Variants in KIF14 observed in about 807,000 individuals in gnomAD.
The protein encoded by KIF14 is kinesin family member 14.
A neutral mutation model predicts 176.2 loss-of-function variants in KIF14; 98 were observed. That is an observed-to-expected ratio of 0.56 (90% CI 0.47 to 0.66). The LOEUF is 0.66. Among genes scored for constraint, KIF14 ranks in the 30% least tolerant of loss-of-function variants. The probability of loss-of-function intolerance (pLI) is 0.00; values close to 1 mark genes in which losing one functional copy is unlikely to be tolerated. For synonymous variants in KIF14, 566 were observed against 632.2 expected, an observed-to-expected ratio of 0.90 and a Z score of 1.57; for missense variants, 1,751 against 1,920.4, an observed-to-expected ratio of 0.91 and a Z score of 1.65.
intron 21 of KIF14, among the ~76,000 whole-genome samples, chr1:200,578,523 A>G (rs1240388967): frequency 6.6e-6 from 1 of 152,082 alleles, no homozygotes; most frequent in African/African-American, 2.4e-5. Context: ...TTAAATTCAT[A>G]CCTCTCACAA....
At chr1:200,586,013 AG>A in intron 19 of KIF14, 87 bp downstream of exon 19, 1 of 919,942 alleles carries the variant, frequency 1.1e-6, no homozygotes, top group Non-Finnish European at 1.5e-6. Context: ...GAATATGTAA[AG>A]GCAACTAATG....
chr1:200,579,947 A>C (rs1036820747), intron 21 of KIF14, among the ~76,000 whole-genome samples: 2 of 152,064 alleles, frequency 1.3e-5, no homozygotes, highest in Non-Finnish European at 2.9e-5. Context: ...TCTTTCCTTA[A>C]GCTTAAATGT....
rs746461491 is a variant in KIF14 at position 200,614,301 on chromosome 1, G to A, written c.1455+17C>T. On this transcript the variant is annotated intron_variant, in intron 4 of 29. Coordinates refer to ENST00000367350, the MANE Select transcript of KIF14 (RefSeq NM_014875.3). Reference sequence around the variant, plus strand: ...TTCTACTCTGAAAAGAAGCTTGCAGGTATTATAAGAACATACCTCTTGGGT... The same window carrying A: ...TTCTACTCTGAAAAGAAGCTTGCAGATATTATAAGAACATACCTCTTGGGT... The A allele has an allele frequency of 2.2e-6, 3 of 1,374,630 alleles. No individual in the cohort carries two copies. The highest frequency in any genetic ancestry group is 2.1e-6 in the Non-Finnish European group (2 of 970,840). The allele number at this position is 1,374,630 out of a possible 1,614,324, so 85.2% of individuals were successfully genotyped here.
At position 200,604,788 on chromosome 1, in the gene KIF14, T is replaced by C. The variant is rs534408441; in HGVS notation, c.1746+495A>G. Among the ~76,000 whole-genome samples, 10 of 152,182 alleles carry C rather than the reference T, an allele frequency of 6.6e-5. No individual in the cohort carries two copies. In the East Asian group the frequency reaches 1.7e-3, roughly 26 times the overall value. On this transcript the variant is annotated intron_variant, in intron 8 of 29. Transcript: ENST00000367350. ...AAAATTGAAAGACTATATACCAAAA[T>C]GTTTAGAGGGGTTTATCTGAATGGT... is the stretch of plus-strand genomic sequence containing the variant.
intron 21 of KIF14, among the ~76,000 whole-genome samples, chr1:200,579,111 C>A (rs1305669530): frequency 1.3e-5 from 2 of 151,418 alleles, no homozygotes; most frequent in African/African-American, 4.9e-5. Flanking sequence ...AAAGAAAATT[C>A]AAAGGAAATG....
Position 200,586,232 on chromosome 1 carries a change from T to C in KIF14, c.3115-5A>G, listed in dbSNP as rs756733094. 27 of 1,579,640 alleles carry C rather than the reference T, an allele frequency of 1.7e-5. No individual in the cohort carries two copies. The highest frequency in any genetic ancestry group is 2.2e-5 in the Non-Finnish European group (25 of 1,159,408). On this transcript the variant is annotated splice_polypyrimidine_tract_variant and splice_region_variant and intron_variant, in intron 18 of 29. Coordinates refer to ENST00000367350, the MANE Select transcript of KIF14 (RefSeq NM_014875.3). ...GATGCTATGGTCTTCTAAAGCCTAA[T>C]TGATATTCATTCATACAGACCCACA...
chr1:200,584,197 A>G (rs1327370801), intron 19 of KIF14, among the ~76,000 whole-genome samples: 1 of 136,886 alleles, frequency 7.3e-6, no homozygotes, highest in Non-Finnish European at 1.6e-5. Flanking sequence ...CAGCCTGCCA[A>G]CACATAAGAC....
At chr1:200,584,232 G>A (rs1376819069) in intron 19 of KIF14, among the ~76,000 whole-genome samples, 3 of 83,446 alleles carry the variant, frequency 3.6e-5, no homozygotes, top group African/African-American at 4.2e-5. Flanking sequence ...AAAAAAAAAA[G>A]GTCTCACAGG....
At chr1:200,577,860 T>C (rs990355500) in intron 21 of KIF14, among the ~76,000 whole-genome samples, 4 of 152,164 alleles carry the variant, frequency 2.6e-5, no homozygotes, top group Non-Finnish European at 4.4e-5. Context: ...TCTAGAATAG[T>C]TTAAACAGAA....
At chr1:200,582,416 C>T (rs1658511361) in intron 19 of KIF14, among the ~76,000 whole-genome samples, 1 of 151,746 alleles carries the variant, frequency 6.6e-6, no homozygotes, top group South Asian at 2.1e-4. Context: ...ATTGTTCAGA[C>T]AAACTTATAA....
chr1:200,610,901 C>T (rs183403221), intron 4 of KIF14, among the ~76,000 whole-genome samples: 13 of 152,200 alleles, frequency 8.5e-5, no homozygotes, highest in East Asian at 7.7e-4. Flanking sequence ...AGGGCATTCT[C>T]GGGCAAGGAC....
At chr1:200,578,988 G>A (rs1030128716) in intron 21 of KIF14, among the ~76,000 whole-genome samples, 5 of 152,146 alleles carry the variant, frequency 3.3e-5, no homozygotes, top group Non-Finnish European at 4.4e-5. Flanking sequence ...CTACTCAGGC[G>A]GCTGAGGCAG....
intron 18 of KIF14, among the ~76,000 whole-genome samples, chr1:200,586,789 A>G (rs977483923): frequency 4.5e-5 from 2 of 44,096 alleles, no homozygotes; most frequent in African/African-American, 3.1e-4. Flanking sequence ...ATATATACAT[A>G]CATATATATA....
chr1:200,584,017 G>A (rs1205036185), intron 19 of KIF14, among the ~76,000 whole-genome samples: 1 of 151,388 alleles, frequency 6.6e-6, no homozygotes, highest in Admixed American at 6.6e-5. Context: ...GCTGAGGTGG[G>A]TGGATCACGA....
chr1:200,611,119 G>A (rs1182521518), intron 4 of KIF14, among the ~76,000 whole-genome samples: 1 of 152,168 alleles, frequency 6.6e-6, no homozygotes, highest in Non-Finnish European at 1.5e-5. Flanking sequence ...CTTCCAAACA[G>A]CTCTTCTGAC....
intron 9 of KIF14, 113 bp from the exon 10 acceptor site, chr1:200,603,454 TC>T: frequency 1.6e-6 from 1 of 613,242 alleles, no homozygotes; most frequent in Non-Finnish European, 2.9e-6. Flanking sequence ...TTTTTTACTT[TC>T]TTTTTTTTTG....
intron 23 of KIF14, 52 bp downstream of exon 23, chr1:200,569,859 A>T (rs1045977240): frequency 2.1e-6 from 2 of 967,300 alleles, no homozygotes; most frequent in Non-Finnish European, 3.2e-6. Flanking sequence ...TAATGGTAGA[A>T]CCAGGACTCA....
At chr1:200,558,862 T>G (rs895114217) in intron 27 of KIF14, among the ~76,000 whole-genome samples, 1 of 152,210 alleles carries the variant, frequency 6.6e-6, no homozygotes, top group East Asian at 1.9e-4. Flanking sequence ...AGGACACATA[T>G]TTTAGGAAAT....
chr1:200,566,910 C>G (rs763337856), intron 23 of KIF14, among the ~76,000 whole-genome samples: 10 of 152,156 alleles, frequency 6.6e-5, no homozygotes, highest in Non-Finnish European at 1.5e-4. Flanking sequence ...CACAGTGGCT[C>G]ATGCCTGTAA....
Sources: gnomAD v4.1 joint callset for allele counts (sites outside exome capture counted in the v4.1 genomes callset) on GRCh38, gnomAD v4.1.1 for gene constraint, MANE v1.5 for transcripts, NCBI Gene and HGNC (gene_info 2026-07-23, HGNC 2026-07-21) for gene names.